Variants in EYS observed in about 807,000 individuals in gnomAD.
EYS encodes the protein protein eyes shut homolog.
In EYS, 250 loss-of-function variants were observed where a neutral mutation model predicts 282.1. The observed-to-expected ratio is 0.89, with a 90% CI of 0.80 to 0.98. The LOEUF (loss-of-function observed/expected upper bound fraction) is 0.98, where lower values mean the gene tolerates loss of function less well. Ranked by LOEUF, EYS falls within the 50% of genes least tolerant of loss-of-function variation. The probability of loss-of-function intolerance (pLI) is 0.00; values close to 1 mark genes in which losing one functional copy is unlikely to be tolerated. For synonymous variants in EYS, 1,355 were observed against 1,282.9 expected, an observed-to-expected ratio of 1.06 and a Z score of -1.20; for missense variants, 4,016 against 3,709.0, an observed-to-expected ratio of 1.08 and a Z score of -2.15.
intron 2 of EYS, among the ~76,000 whole-genome samples, chr6:65,590,010 C>T (rs776452684): frequency 5.9e-5 from 9 of 151,704 alleles, no homozygotes; most frequent in Non-Finnish European, 1.2e-4. Flanking sequence ...AAAATGAACG[C>T]GTTGGACATT....
At chr6:64,926,534 T>C (rs1263353044) in intron 15 of EYS, among the ~76,000 whole-genome samples, 1 of 152,136 alleles carries the variant, frequency 6.6e-6, no homozygotes, top group African/African-American at 2.4e-5. Context: ...AGCTTCCCAG[T>C]GGGAATGTGC....
chr6:64,956,158 G>A (rs562317050), intron 14 of EYS, among the ~76,000 whole-genome samples: 31 of 152,190 alleles, frequency 2.0e-4, no homozygotes, highest in Non-Finnish European at 3.2e-4. Flanking sequence ...CAAAAAGAAT[G>A]AAATGGAAAT....
intron 8 of EYS, among the ~76,000 whole-genome samples, chr6:65,375,638 A>T (rs9360126): frequency 0.41 from 62,654 of 151,718 alleles, 13,940 homozygotes; most frequent in South Asian, 0.5. Flanking sequence ...TGACAAAAGG[A>T]TACAGGAATT....
intron 5 of EYS, among the ~76,000 whole-genome samples, chr6:65,477,569 T>A (rs1411004698): frequency 6.6e-6 from 1 of 152,162 alleles, no homozygotes; most frequent in Non-Finnish European, 1.5e-5. Flanking sequence ...CTGCCCCCAG[T>A]GATAGCCAAT....
At chr6:64,254,273 G>A (rs1215908668) in intron 30 of EYS, among the ~76,000 whole-genome samples, 1 of 152,058 alleles carries the variant, frequency 6.6e-6, no homozygotes, top group Non-Finnish European at 1.5e-5. Flanking sequence ...GTGCATGTTT[G>A]GTGTCATCTG....
intron 29 of EYS, among the ~76,000 whole-genome samples, chr6:64,355,509 C>G (rs1247792720): frequency 6.6e-6 from 1 of 151,544 alleles, no homozygotes; most frequent in African/African-American, 2.4e-5. Flanking sequence ...ATTGACTTTT[C>G]CATGCATGCA....
intron 22 of EYS, among the ~76,000 whole-genome samples, chr6:64,767,101 G>A (rs1053080453): frequency 7.5e-5 from 11 of 147,218 alleles, no homozygotes; most frequent in African/African-American, 3.0e-4. Flanking sequence ...AGGTAAAATT[G>A]TATTTTTTCC....
rs572841755 is a variant in EYS at position 64,157,293 on chromosome 6, T to C, written c.6424+73299A>G. Among the ~76,000 whole-genome samples the C allele has an allele frequency of 4.6e-5, 7 of 152,258 alleles. No homozygotes were observed. The East Asian group carries it at 1.2e-3, about 25-fold the overall frequency. On this transcript the variant is annotated intron_variant, in intron 31 of 42. Coordinates refer to ENST00000503581, the MANE Select transcript of EYS (RefSeq NM_001142800.2). ...CACATTTTCTTAATCCAGTCTATCA[T>C]TGTTGGACATTTGGGTTGCATTCAG... is the stretch of plus-strand genomic sequence containing the variant.
At chr6:63,817,192 T>C (rs1338241405) in intron 36 of EYS, among the ~76,000 whole-genome samples, 2 of 152,220 alleles carry the variant, frequency 1.3e-5, no homozygotes, top group African/African-American at 2.4e-5. Flanking sequence ...ATTGTGCTTT[T>C]TTGCTTATCA....
chr6:65,064,479 A>G (rs1773681706), intron 12 of EYS, among the ~76,000 whole-genome samples: 1 of 146,464 alleles, frequency 6.8e-6, no homozygotes. Context: ...AGTATATGAT[A>G]TATAGTATAT....
intron 35 of EYS, among the ~76,000 whole-genome samples, chr6:63,971,332 A>T (rs1766560122): frequency 6.6e-6 from 1 of 152,196 alleles, no homozygotes; most frequent in African/African-American, 2.4e-5. Flanking sequence ...TTCTATATGC[A>T]TGGTAATAGA....
chr6:65,686,994 T>G (rs2149841548), intron 1 of EYS, among the ~76,000 whole-genome samples: 1 of 152,130 alleles, frequency 6.6e-6, no homozygotes, highest in Middle Eastern at 3.4e-3. Context: ...ATTTAAAGTA[T>G]TAGAAGTATA....
intron 28 of EYS, among the ~76,000 whole-genome samples, chr6:64,420,436 T>C (rs556616327): frequency 1.3e-5 from 2 of 152,158 alleles, no homozygotes; most frequent in East Asian, 3.9e-4. Flanking sequence ...CCTTGTTACT[T>C]ATGCAAATTT....
chr6:64,422,091 A>G (rs1338825), intron 28 of EYS, among the ~76,000 whole-genome samples: 62,541 of 151,918 alleles, frequency 0.41, 13,936 homozygotes, highest in African/African-American at 0.6. Flanking sequence ...TAGCCCCAGT[A>G]TCAATAGTGC....
rs369360605 is a variant in EYS at position 64,189,485 on chromosome 6, T to A, written c.6424+41107A>T. Among the ~76,000 whole-genome samples the A allele has an allele frequency of 3.9e-5, 6 of 152,238 alleles. No homozygotes were observed. The East Asian group carries it at 7.7e-4, about 20-fold the overall frequency. On this transcript the variant is annotated intron_variant, in intron 31 of 42. Coordinates refer to ENST00000503581, the MANE Select transcript of EYS (RefSeq NM_001142800.2). ...TATTGCCCATGGCTGCTTGACACTATGAAATAATCAGCTTCATGTGTCCAC... is the reference window on the plus strand; with the variant it reads ...TATTGCCCATGGCTGCTTGACACTAAGAAATAATCAGCTTCATGTGTCCAC...
intron 19 of EYS, among the ~76,000 whole-genome samples, chr6:64,824,373 T>G (rs149588203): frequency 5.3e-5 from 8 of 152,096 alleles, no homozygotes; most frequent in Admixed American, 5.3e-4. Context: ...TAAATGAGTG[T>G]TACTTATTGG....
intron 30 of EYS, among the ~76,000 whole-genome samples, chr6:64,235,660 G>A (rs567195611): frequency 9.2e-5 from 14 of 152,058 alleles, no homozygotes; most frequent in Non-Finnish European, 1.5e-4. Context: ...CTGAGGAATC[G>A]CCACACTGAC....
At chr6:64,577,690 T>G (rs566553940) in intron 26 of EYS, among the ~76,000 whole-genome samples, 1 of 152,244 alleles carries the variant, frequency 6.6e-6, no homozygotes, top group Admixed American at 6.6e-5. Flanking sequence ...TCAACACGAC[T>G]TATCAACTCT....
chr6:64,342,770 A>G (rs1490915015), intron 29 of EYS, among the ~76,000 whole-genome samples: 1 of 151,832 alleles, frequency 6.6e-6, no homozygotes, highest in East Asian at 1.9e-4. Context: ...CAAATTGGAT[A>G]AAGAGTCAAA....
Sources: allele counts gnomAD v4.1 joint callset (sites outside exome capture counted in the v4.1 genomes callset), GRCh38; gene constraint gnomAD v4.1.1; transcripts MANE v1.5; gene names NCBI Gene and HGNC (gene_info 2026-07-23, HGNC 2026-07-21).